Variants in LGR6 observed in about 807,000 individuals in gnomAD.
LGR6 encodes the protein leucine-rich repeat-containing G protein-coupled receptor 6.
LGR6 carries 45 observed loss-of-function variants against 69.4 expected under a neutral mutation model. That is an observed-to-expected ratio of 0.65 (90% confidence interval 0.51 to 0.83). The LOEUF is 0.83. Among genes scored for constraint, LGR6 ranks in the 40% least tolerant of loss-of-function variants. The pLI, the probability that LGR6 is intolerant of heterozygous loss-of-function variation, is 0.00. For synonymous variants in LGR6, 538 were observed against 555.0 expected, an observed-to-expected ratio of 0.97 and a Z score of 0.43; for missense variants, 1,108 against 1,246.7, an observed-to-expected ratio of 0.89 and a Z score of 1.68.
rs1218715797 is a variant in LGR6, at chr1:202,199,587, T to A, written c.212+5386T>A. ...CAGCCCACCCCCACTCCACCCCGCCTTCCCCCCATTCCATGGGCTCTCAAC... is the reference window on the plus strand; with the variant it reads ...CAGCCCACCCCCACTCCACCCCGCCATCCCCCCATTCCATGGGCTCTCAAC... On this transcript the variant is annotated intron_variant, in intron 1 of 17. Transcript: ENST00000367278. 3.2e-4 allele frequency among the ~76,000 whole-genome samples: 3 copies of A among 9,260 alleles called. No homozygotes were observed. The East Asian group carries it at 7.9e-3, about 24-fold the overall frequency. 6.1% of individuals were successfully genotyped at this position (9,260 alleles called of 152,430 possible).
At chr1:202,309,324 C>G (rs1431150138) in intron 15 of LGR6, 148 bp downstream of exon 15, 8 of 889,742 alleles carry the variant, frequency 9.0e-6, no homozygotes, top group Non-Finnish European at 1.7e-6. Context: ...TGACCACCTA[C>G]AGACCAAGAG....
chr1:202,251,113 G>T lies in LGR6; in HGVS notation c.428+15120G>T, dbSNP rs568621433. Among the ~76,000 whole-genome samples the T allele has an allele frequency of 2.6e-5, 4 of 152,104 alleles. No homozygotes were observed. In the South Asian group the frequency reaches 6.2e-4, roughly 24 times the overall value. ...CTACCCAAGGGGTTTAAAACGAGAC[G>T]ATCACAGATGACGGCCTGATATAGG... On this transcript the variant is annotated intron_variant, in intron 4 of 17. Coordinates refer to ENST00000367278, the MANE Select transcript of LGR6 (RefSeq NM_001017403.2).
rs745785601 is a variant in LGR6, at chr1:202,214,242, G to A, written c.213-11181G>A. On this transcript the variant is annotated intron_variant, in intron 1 of 17. Transcript: ENST00000367278. ...TGCACGGCGCGGTGCGCCCAGGTAG[G>A]CTTGGGGGAAGGGTGCCGAGCTCCG... is the stretch of plus-strand genomic sequence containing the variant. The A allele has an allele frequency of 5.8e-6, 9 of 1,540,432 alleles. No homozygotes were observed. In the South Asian group the frequency reaches 1.1e-4, roughly 19 times the overall value.
At chr1:202,303,412 T>G in intron 10 of LGR6, 65 bp downstream of exon 10, 2 of 1,261,744 alleles carry the variant, frequency 1.6e-6, no homozygotes, top group Non-Finnish European at 2.3e-6. Context: ...GCTCTTCCAC[T>G]CCCTGCCCCT....
intron 6 of LGR6, among the ~76,000 whole-genome samples, chr1:202,287,613 A>C (rs959015539): frequency 6.6e-6 from 1 of 152,144 alleles, no homozygotes; most frequent in African/African-American, 2.4e-5. Context: ...TCTTTCCCTG[A>C]ACCCATCCCA....
intron 14 of LGR6, 69 bp downstream of exon 14, chr1:202,307,470 G>A (rs1293347440): frequency 1.5e-6 from 2 of 1,355,878 alleles, no homozygotes; most frequent in Non-Finnish European, 2.1e-6. Flanking sequence ...GCCAATGGAG[G>A]CAGAAGGGCC....
chr1:202,224,464 A>G (rs1436768625), intron 1 of LGR6, among the ~76,000 whole-genome samples: 1 of 152,138 alleles, frequency 6.6e-6, no homozygotes, highest in Non-Finnish European at 1.5e-5. Context: ...CCAAGGTGTC[A>G]TGTCTTCCAG....
chr1:202,314,251 G>A (rs1035346237), intron 16 of LGR6, among the ~76,000 whole-genome samples: 1 of 152,132 alleles, frequency 6.6e-6, no homozygotes, highest in Non-Finnish European at 1.5e-5. Context: ...GGACGGCCAT[G>A]ATACCCCCAC....
intron 6 of LGR6, among the ~76,000 whole-genome samples, chr1:202,296,515 G>A (rs548262957): frequency 2.0e-5 from 3 of 152,180 alleles, no homozygotes; most frequent in African/African-American, 4.8e-5. Flanking sequence ...CTTTCCCCGG[G>A]GCTCCCCTGC....
intron 4 of LGR6, among the ~76,000 whole-genome samples, chr1:202,271,573 G>T (rs942201660): frequency 6.6e-6 from 1 of 152,126 alleles, no homozygotes; most frequent in African/African-American, 2.4e-5. Flanking sequence ...TTGGGAGGCT[G>T]AGGCGGGTGG....
intron 2 of LGR6, among the ~76,000 whole-genome samples, chr1:202,226,422 A>C (rs1412018417): frequency 4.6e-5 from 7 of 152,184 alleles, no homozygotes; most frequent in Non-Finnish European, 5.9e-5. Flanking sequence ...AACTTCGCAA[A>C]CTGTGAGTTC....
rs765198632 is a variant in LGR6, at chr1:202,300,846, C to T, written c.786-3C>T. ...CTCACTGGTTCCTGGTGTTGTCTTC[C>T]AGGGGGTTCCATAACAACAACATCA... is the stretch of plus-strand genomic sequence containing the variant. On this transcript the variant is annotated splice_region_variant and splice_polypyrimidine_tract_variant and intron_variant, in intron 7 of 17. Transcript: ENST00000367278. 2 of 1,606,646 alleles carry T rather than the reference C, an allele frequency of 1.2e-6. No individual in the cohort carries two copies. The highest frequency in any genetic ancestry group is 2.7e-5 in the African/African-American group (2 of 74,566).
chr1:202,285,993 A>G (rs1279185936), intron 6 of LGR6, among the ~76,000 whole-genome samples: 8 of 151,980 alleles, frequency 5.3e-5, no homozygotes, highest in Non-Finnish European at 8.8e-5. Flanking sequence ...CTCTTACTCT[A>G]TCTTCACGTT....
chr1:202,299,353 GGCATGAGAGAA>G (rs1027109554), intron 7 of LGR6, among the ~76,000 whole-genome samples: 1 of 152,080 alleles, frequency 6.6e-6, no homozygotes, highest in African/African-American at 2.4e-5. Flanking sequence ...TTTGATCTGG[GGCATGAGAGAA>G]GCATGAGATT....
rs761470187 is a variant in LGR6 at position 202,301,202 on chromosome 1, C to T, written c.896C>T (p.Ser299Leu). ...YDNPIQFVGR[S>L]AFQYLPKLHT... ...AACCCAATCCAGTTTGTGGGAAGATCGGCATTCCAGTACCTGCCTAAACTC... is the reference window on the plus strand; with the variant it reads ...AACCCAATCCAGTTTGTGGGAAGATTGGCATTCCAGTACCTGCCTAAACTC... Residue 299 changes from serine (S) to leucine (L), a missense_variant, in exon 9 of 18, where the codon TCG becomes TTG. Transcript: ENST00000367278. 3.1e-6 allele frequency: 5 copies of T among 1,614,198 alleles called. No individual in the cohort carries two copies. The highest frequency in any genetic ancestry group is 2.2e-5 in the South Asian group (2 of 91,082).
intron 6 of LGR6, among the ~76,000 whole-genome samples, chr1:202,296,352 A>C (rs1021678842): frequency 6.6e-6 from 1 of 152,192 alleles, no homozygotes; most frequent in East Asian, 1.9e-4. Context: ...ACTGAGTAAA[A>C]TGAAAGCCAA....
intron 4 of LGR6, among the ~76,000 whole-genome samples, chr1:202,247,535 A>G (rs568936588): frequency 7.9e-5 from 12 of 152,236 alleles, no homozygotes; most frequent in Non-Finnish European, 1.3e-4. Context: ...ACTTGTACAC[A>G]TGGGATGTAA....
intron 2 of LGR6, among the ~76,000 whole-genome samples, chr1:202,227,458 G>A (rs1224805981): frequency 2.0e-5 from 3 of 152,204 alleles, no homozygotes; most frequent in Non-Finnish European, 4.4e-5. Flanking sequence ...TCTTGGATTA[G>A]TGAGGGTTAG....
chr1:202,307,784 G>T (rs149188890), intron 14 of LGR6, among the ~76,000 whole-genome samples: 112 of 152,318 alleles, frequency 7.4e-4, no homozygotes, highest in African/African-American at 2.7e-3. Context: ...GAGCTCAGGG[G>T]TTCCCTGCTT....
Sources: allele counts gnomAD v4.1 joint callset (sites outside exome capture counted in the v4.1 genomes callset), GRCh38; gene constraint gnomAD v4.1.1; transcripts MANE v1.5; gene names NCBI Gene and HGNC (gene_info 2026-07-23, HGNC 2026-07-21).